AFF3: variants seen among roughly 807,000 people sequenced by gnomAD.
AFF3 encodes AF4/FMR2 family member 3.
Under a neutral mutation model 129.7 loss-of-function variants are expected in AFF3, and 32 were observed. That is an observed-to-expected ratio of 0.25 (90% CI 0.19 to 0.33). AFF3 has a LOEUF of 0.33. Ranked by LOEUF, AFF3 falls within the 10% of genes least tolerant of loss-of-function variation. The pLI is 1.00. For missense variants in AFF3, 1,373 were observed against 1,592.0 expected (o/e 0.86, Z 2.34); for synonymous variants, 644 against 635.4 (o/e 1.01, Z -0.20).
intron 7 of AFF3, among the ~76,000 whole-genome samples, chr2:99,871,746 G>A (rs1234718955): frequency 1.3e-5 from 2 of 152,098 alleles, no homozygotes; most frequent in African/African-American, 4.8e-5. Flanking sequence ...AGGAATGGAG[G>A]GGGAAAAGGG....
intron 11 of AFF3, among the ~76,000 whole-genome samples, chr2:99,718,938 G>A (rs1678626599): frequency 6.6e-6 from 1 of 151,752 alleles, no homozygotes; most frequent in African/African-American, 2.4e-5. Flanking sequence ...TTTTAGTAGA[G>A]ACGGGTTTTC....
At chr2:99,927,000 T>C (rs1363891502) in intron 7 of AFF3, among the ~76,000 whole-genome samples, 2 of 152,114 alleles carry the variant, frequency 1.3e-5, no homozygotes, top group African/African-American at 4.8e-5. Flanking sequence ...AGACCAGCAA[T>C]CTCACACAGG....
chr2:99,947,184 T>C (rs750127843), intron 7 of AFF3, among the ~76,000 whole-genome samples: 18 of 152,198 alleles, frequency 1.2e-4, no homozygotes, highest in Non-Finnish European at 1.9e-4. Flanking sequence ...CTCATGCCTG[T>C]AATCCTAGCA....
intron 4 of AFF3, among the ~76,000 whole-genome samples, chr2:100,033,099 G>A (rs554504323): frequency 9.9e-5 from 15 of 152,068 alleles, no homozygotes; most frequent in African/African-American, 2.9e-4. Flanking sequence ...GAGCAAGTAC[G>A]TCACATCCTT....
chr2:100,059,643 G>T (rs1271068576), intron 4 of AFF3, among the ~76,000 whole-genome samples: 1 of 152,202 alleles, frequency 6.6e-6, no homozygotes, highest in Non-Finnish European at 1.5e-5. Flanking sequence ...TATAGCCAGC[G>T]TGGTTGTTGT....
intron 22 of AFF3, among the ~76,000 whole-genome samples, chr2:99,558,410 C>A (rs1559474754): frequency 6.6e-6 from 1 of 152,092 alleles, no homozygotes; most frequent in Non-Finnish European, 1.5e-5. Context: ...CACCTGAGGT[C>A]AGGAGTTCGA....
intron 4 of AFF3, among the ~76,000 whole-genome samples, chr2:100,094,161 CT>C (rs1334037804): frequency 2.6e-5 from 4 of 152,216 alleles, no homozygotes; most frequent in African/African-American, 4.8e-5. Context: ...TTGTAGACGA[CT>C]TTTTTTCCAT....
chr2:99,827,464 T>C (rs887714931), intron 8 of AFF3, among the ~76,000 whole-genome samples: 9 of 152,062 alleles, frequency 5.9e-5, no homozygotes, highest in African/African-American at 2.2e-4. Flanking sequence ...AAATGCTCTC[T>C]GTACTTCTGA....
chr2:100,036,163 A>G (rs1684891109), intron 4 of AFF3, among the ~76,000 whole-genome samples: 1 of 140,360 alleles, frequency 7.1e-6, no homozygotes, highest in African/African-American at 2.6e-5. Flanking sequence ...AAAAAAAACA[A>G]CTTTCTCAAA....
intron 7 of AFF3, among the ~76,000 whole-genome samples, chr2:99,844,721 C>T (rs910793472): frequency 5.9e-5 from 9 of 152,038 alleles, no homozygotes; most frequent in Non-Finnish European, 1.2e-4. Flanking sequence ...AGGCATGAGC[C>T]AGCATGCCTG....
chr2:99,804,140 G>A, intron 8 of AFF3, among the ~76,000 whole-genome samples: 1 of 152,142 alleles, frequency 6.6e-6, no homozygotes. Flanking sequence ...AATCATCAGA[G>A]CAAACAGACA....
chr2:99,639,005 G>T (rs1172835521), intron 13 of AFF3, among the ~76,000 whole-genome samples: 4 of 152,184 alleles, frequency 2.6e-5, no homozygotes, highest in Non-Finnish European at 5.9e-5. Flanking sequence ...ATTTCACCCG[G>T]AGGAGCCTTG....
At chr2:99,948,870 T>C (rs992178616) in intron 7 of AFF3, among the ~76,000 whole-genome samples, 3 of 152,182 alleles carry the variant, frequency 2.0e-5, no homozygotes, top group South Asian at 2.1e-4. Context: ...ATATGAATAC[T>C]GGGAAAGAAA....
chr2:99,929,252 A>G (rs1429333190), intron 7 of AFF3, among the ~76,000 whole-genome samples: 1 of 152,092 alleles, frequency 6.6e-6, no homozygotes, highest in Non-Finnish European at 1.5e-5. Flanking sequence ...GCTTGAACCC[A>G]GGAGGCAGAG....
chr2:100,112,012 T>C (rs568457560), intron 2 of AFF3, among the ~76,000 whole-genome samples: 18 of 152,362 alleles, frequency 1.2e-4, no homozygotes, highest in Admixed American at 3.9e-4. Flanking sequence ...GGATCCCAAA[T>C]TGATTTCCCT....
intron 7 of AFF3, among the ~76,000 whole-genome samples, chr2:99,844,809 T>TG (rs757675395): frequency 6.6e-5 from 10 of 152,186 alleles, no homozygotes; most frequent in Non-Finnish European, 1.3e-4. Flanking sequence ...AAAATGTTCA[T>TG]GGGTACCATT....
intron 9 of AFF3, among the ~76,000 whole-genome samples, chr2:99,745,379 T>C (rs1681070581): frequency 6.6e-6 from 1 of 152,208 alleles, no homozygotes; most frequent in South Asian, 2.1e-4. Flanking sequence ...TTTTCTAAAT[T>C]TAAAGTTCTA....
Position 99,943,755 on chromosome 2 carries a change from C to T in AFF3, c.873+62877G>A, listed in dbSNP as rs139806976. Among the ~76,000 whole-genome samples, 54 of 152,246 alleles carry T rather than the reference C, an allele frequency of 3.5e-4. No homozygotes were observed. The East Asian group carries it at 9.3e-3, about 26-fold the overall frequency. Reference sequence around the variant, plus strand: ...ATTTCTCACTGGTTTTCTATTAAGCCTCCACTCAATGTTCTTGGTCTCCTC... The same window carrying T: ...ATTTCTCACTGGTTTTCTATTAAGCTTCCACTCAATGTTCTTGGTCTCCTC... On this transcript the variant is annotated intron_variant, in intron 7 of 24. Coordinates refer to ENST00000672756, the MANE Select transcript of AFF3 (RefSeq NM_001386135.1).
chr2:100,067,205 G>T (rs1559101461), intron 4 of AFF3, among the ~76,000 whole-genome samples: 1 of 151,904 alleles, frequency 6.6e-6, no homozygotes, highest in Non-Finnish European at 1.5e-5. Context: ...AAAGGTGGGG[G>T]GAGGGTGTAG....
Sources: allele counts gnomAD v4.1 joint callset (sites outside exome capture counted in the v4.1 genomes callset), GRCh38; gene constraint gnomAD v4.1.1; transcripts MANE v1.5; gene names NCBI Gene and HGNC (gene_info 2026-07-23, HGNC 2026-07-21).